The following TSPAN18 variants were observed in gnomAD, a reference collection of about 807,000 sequenced individuals.
TSPAN18 encodes the protein tetraspanin-18.
In TSPAN18, 14 loss-of-function variants were observed where a neutral mutation model predicts 27.3. The ratio of observed to expected loss-of-function variants is 0.51; its 90% CI spans 0.34 to 0.80. The LOEUF (loss-of-function observed/expected upper bound fraction) is 0.80. TSPAN18 is among the 30% of genes least tolerant of loss of function. The probability of loss-of-function intolerance (pLI) is 0.01; values close to 1 mark genes in which losing one functional copy is unlikely to be tolerated. For missense variants in TSPAN18, 268 were observed against 323.9 expected, an observed-to-expected ratio of 0.83 and a Z score of 1.32; for synonymous variants, 143 against 136.5, an observed-to-expected ratio of 1.05 and a Z score of -0.33.
Position 44,893,364 on chromosome 11 carries a change from T to C in TSPAN18, c.-10-13043T>C, listed in dbSNP as rs528821353. Among the ~76,000 whole-genome samples, 150 of 152,306 alleles carry C rather than the reference T, an allele frequency of 9.8e-4. 1 individual carries two copies. The highest frequency in any genetic ancestry group is 3.4e-3 in the African/African-American group (140 of 41,576). ...GGTTAATCCTTAAGGCACCCGCCCC[T>C]CAGGAGCCTAATTAGATTTTATCCC... On this transcript the variant is annotated intron_variant, in intron 3 of 9. Coordinates refer to ENST00000520358, the MANE Select transcript of TSPAN18 (RefSeq NM_130783.5).
At chr11:44,760,818 A>T (rs933310733) in intron 1 of TSPAN18, among the ~76,000 whole-genome samples, 1 of 152,188 alleles carries the variant, frequency 6.6e-6, no homozygotes, top group South Asian at 2.1e-4. Flanking sequence ...TAACATCTTA[A>T]TGTCTCTAAA....
At chr11:44,831,077 C>T (rs1280193816) in intron 2 of TSPAN18, among the ~76,000 whole-genome samples, 1 of 152,152 alleles carries the variant, frequency 6.6e-6, no homozygotes, top group Non-Finnish European at 1.5e-5. Flanking sequence ...CACACCACTG[C>T]ATTCCAGCCT....
rs1256729921 is a variant in TSPAN18 at position 44,737,772 on chromosome 11, C to T, written c.-240+10485C>T. Among the ~76,000 whole-genome samples the T allele has an allele frequency of 4.6e-5, 7 of 152,098 alleles. No homozygotes were observed. In the East Asian group the frequency reaches 7.8e-4, roughly 17 times the overall value. ...ACTACCTCTTCTGCAGCCCATCTGCCGCTTGTTTTCTTCTCTCGCCCCTAC... is the reference window on the plus strand; with the variant it reads ...ACTACCTCTTCTGCAGCCCATCTGCTGCTTGTTTTCTTCTCTCGCCCCTAC... On this transcript the variant is annotated intron_variant, in intron 1 of 9. Transcript: ENST00000520358.
intron 2 of TSPAN18, among the ~76,000 whole-genome samples, chr11:44,825,374 GA>G (rs1231729244): frequency 2.0e-5 from 3 of 152,190 alleles, no homozygotes; most frequent in African/African-American, 7.2e-5. Flanking sequence ...CCACCAGGTT[GA>G]GTAAATGGCT....
At chr11:44,824,670 G>A (rs758237646) in intron 2 of TSPAN18, among the ~76,000 whole-genome samples, 1 of 152,238 alleles carries the variant, frequency 6.6e-6, no homozygotes, top group African/African-American at 2.4e-5. Flanking sequence ...TCCAGAGGCC[G>A]GCTCCTCACA....
intron 2 of TSPAN18, among the ~76,000 whole-genome samples, chr11:44,837,951 G>T (rs529569901): frequency 1.3e-5 from 2 of 152,210 alleles, no homozygotes; most frequent in South Asian, 2.1e-4. Context: ...TGTGATATTT[G>T]CTTTATTGGG....
intron 2 of TSPAN18, among the ~76,000 whole-genome samples, chr11:44,784,543 T>G (rs1565147652): frequency 6.6e-6 from 1 of 152,250 alleles, no homozygotes; most frequent in Non-Finnish European, 1.5e-5. Context: ...GACTCTGTGC[T>G]ATCACTTCCC....
chr11:44,804,624 C>T (rs940541585), intron 2 of TSPAN18, among the ~76,000 whole-genome samples: 3 of 152,152 alleles, frequency 2.0e-5, no homozygotes, highest in Non-Finnish European at 2.9e-5. Context: ...TGGGGACTGG[C>T]GAGCAGCGAT....
chr11:44,801,339 A>G (rs1856474892), intron 2 of TSPAN18, among the ~76,000 whole-genome samples: 2 of 152,176 alleles, frequency 1.3e-5, no homozygotes, highest in South Asian at 2.1e-4. Context: ...TGCTTCCTCC[A>G]TAGAAGTTAC....
chr11:44,876,608 C>T (rs1036908242), intron 3 of TSPAN18, among the ~76,000 whole-genome samples: 32 of 152,276 alleles, frequency 2.1e-4, no homozygotes, highest in South Asian at 8.3e-4. Context: ...GGTTGTAGCA[C>T]CATCAAAGAC....
intron 1 of TSPAN18, among the ~76,000 whole-genome samples, chr11:44,749,872 G>A (rs1183939963): frequency 2.6e-5 from 4 of 152,178 alleles, no homozygotes; most frequent in East Asian, 1.9e-4. Flanking sequence ...TCCTGACCTC[G>A]TGATCCACCC....
chr11:44,895,142 A>G (rs556053383), intron 3 of TSPAN18, among the ~76,000 whole-genome samples: 2 of 152,312 alleles, frequency 1.3e-5, no homozygotes, highest in South Asian at 4.1e-4. Flanking sequence ...AGGCTCAGTT[A>G]CCACAAAATT....
At chr11:44,927,850 C>G (rs1357096107) in intron 9 of TSPAN18, among the ~76,000 whole-genome samples, 1 of 152,162 alleles carries the variant, frequency 6.6e-6, no homozygotes, top group African/African-American at 2.4e-5. Flanking sequence ...ATGGGCTGAT[C>G]ACCCTGCTCC....
intron 2 of TSPAN18, among the ~76,000 whole-genome samples, chr11:44,783,883 T>G (rs1855997605): frequency 6.6e-6 from 1 of 152,172 alleles, no homozygotes; most frequent in Admixed American, 6.5e-5. Flanking sequence ...TTCTGGAACA[T>G]ACTTTTCCTG....
At chr11:44,757,584 T>C in intron 1 of TSPAN18, among the ~76,000 whole-genome samples, 1 of 152,096 alleles carries the variant, frequency 6.6e-6, no homozygotes, top group South Asian at 2.1e-4. Context: ...AGAGTTTTGC[T>C]ATGTTGCCCA....
intron 2 of TSPAN18, among the ~76,000 whole-genome samples, chr11:44,803,521 C>T (rs975909199): frequency 1.1e-4 from 16 of 152,036 alleles, no homozygotes; most frequent in Admixed American, 3.3e-4. Flanking sequence ...TTGGACCAGG[C>T]CAGTGGTCTG....
intron 2 of TSPAN18, among the ~76,000 whole-genome samples, chr11:44,790,877 C>T (rs945919510): frequency 1.9e-4 from 29 of 152,122 alleles, no homozygotes; most frequent in Admixed American, 6.5e-4. Context: ...GACAGGGTGA[C>T]GTGGTGAGGC....
chr11:44,925,959 A>C (rs1860336478), intron 8 of TSPAN18, among the ~76,000 whole-genome samples: 1 of 152,014 alleles, frequency 6.6e-6, no homozygotes, highest in Non-Finnish European at 1.5e-5. Flanking sequence ...ATCTCTATCT[A>C]TCTATCTCGA....
At chr11:44,901,740 G>C (rs1220139235) in intron 3 of TSPAN18, among the ~76,000 whole-genome samples, 1 of 152,222 alleles carries the variant, frequency 6.6e-6, no homozygotes, top group Non-Finnish European at 1.5e-5. Context: ...TTGAACATCT[G>C]CTCCTGGATC....
Sources: gnomAD v4.1 joint callset for allele counts (sites outside exome capture counted in the v4.1 genomes callset) on GRCh38, gnomAD v4.1.1 for gene constraint, MANE v1.5 for transcripts, NCBI Gene and HGNC (gene_info 2026-07-23, HGNC 2026-07-21) for gene names.